The following ZFYVE26 variants were observed in gnomAD, a reference collection of about 807,000 sequenced individuals.
ZFYVE26 encodes zinc finger FYVE domain-containing protein 26.
A neutral mutation model predicts 276.5 loss-of-function variants in ZFYVE26; 181 were observed. The observed-to-expected ratio is 0.65, with a 90% CI of 0.58 to 0.74. The LOEUF is 0.74. Ranked by LOEUF, ZFYVE26 falls within the 30% of genes least tolerant of loss-of-function variation. ZFYVE26 has a pLI of 0.00. For missense variants in ZFYVE26, 2,821 were observed against 3,097.9 expected, an observed-to-expected ratio of 0.91 and a Z score of 2.12; for synonymous variants, 1,129 against 1,203.1, an observed-to-expected ratio of 0.94 and a Z score of 1.27.
intron 41 of ZFYVE26, 79 bp downstream of exon 41, chr14:67,750,973 A>C (rs1338853365): frequency 1.3e-6 from 2 of 1,544,330 alleles, no homozygotes; most frequent in African/African-American, 1.4e-5. Context: ...TATTGTGGGG[A>C]GCAAGGGATA....
At chr14:67,811,982 A>T (rs1953916503) in intron 3 of ZFYVE26, among the ~76,000 whole-genome samples, 1 of 149,568 alleles carries the variant, frequency 6.7e-6, no homozygotes, top group African/African-American at 2.4e-5. Context: ...TATATATTTT[A>T]TATATATTCT....
chr14:67,791,977 T>C (rs1265085130), intron 14 of ZFYVE26, among the ~76,000 whole-genome samples: 3 of 151,350 alleles, frequency 2.0e-5, no homozygotes, highest in Non-Finnish European at 4.4e-5. Flanking sequence ...GGAGAATCGC[T>C]TGATCCCAGG....
intron 37 of ZFYVE26, among the ~76,000 whole-genome samples, 160 bp from the exon 38 acceptor site, chr14:67,754,372 C>CA (rs537741230): frequency 3.9e-5 from 6 of 152,144 alleles, no homozygotes; most frequent in South Asian, 4.1e-4. Context: ...ATGACAAGAC[C>CA]AAAAAAATGG....
At position 67,794,214 on chromosome 14, in the gene ZFYVE26, TG is replaced by T; in HGVS notation, c.2357del (p.Pro786HisfsTer10). 6.2e-7 allele frequency: 1 copy of T among 1,614,174 alleles called. No individual in the cohort carries two copies. The highest frequency in any genetic ancestry group is 8.5e-7 in the Non-Finnish European group (1 of 1,180,008). On this transcript the variant is annotated frameshift_variant, in exon 13 of 42. Coordinates refer to ENST00000347230, the MANE Select transcript of ZFYVE26 (RefSeq NM_015346.4). LOFTEE classifies it high-confidence loss of function. ...GCTCACTACTTGTACTTTCCAGGGA[TG>T]GGTTTGAACCTCTGTCTCGGCCATC... ...QADGRDRGSNPSLESTSSELS... is the reference protein window; with the variant it reads ...QADGRDRGSNXSLESTSSELS...
chr14:67,729,100 CCTT>C, intron 14 of ZFYVE26: 13 of 1,321,338 alleles, frequency 9.8e-6, no homozygotes, highest in Non-Finnish European at 1.3e-5. Context: ...CTGAGTCCCT[CCTT>C]CTCACTTGTG....
intron 15 of ZFYVE26, 33 bp from the exon 16 acceptor site, chr14:67,789,631 G>C (rs754865159): frequency 6.2e-6 from 10 of 1,613,476 alleles, no homozygotes; most frequent in African/African-American, 1.3e-5. Flanking sequence ...AAAAGCAAAG[G>C]GTTAAAAGGA....
chr14:67,785,295 G>A lies in ZFYVE26; in HGVS notation c.3305-18C>T. On this transcript the variant is annotated intron_variant, in intron 18 of 41. Transcript: ENST00000347230. ...CCTGGGCTCTGAGAGGAGGATGGCA[G>A]GAGAAAGGACACAGGCTTCAGTCTG... 6.3e-7 allele frequency: 1 copy of A among 1,575,842 alleles called. No individual in the cohort carries two copies. Among genetic ancestry groups the A allele is most frequent in the Non-Finnish European group, 8.6e-7 (1 of 1,160,756 alleles).
chr14:67,812,510 A>C (rs2040324207), intron 3 of ZFYVE26, among the ~76,000 whole-genome samples: 1 of 152,234 alleles, frequency 6.6e-6, no homozygotes, highest in African/African-American at 2.4e-5. Flanking sequence ...CTGGACTTGG[A>C]AAACTACCCC....
intron 2 of ZFYVE26, among the ~76,000 whole-genome samples, chr14:67,815,067 T>C (rs145677936): frequency 1.3e-5 from 2 of 152,202 alleles, no homozygotes. Context: ...GTTGTATAAA[T>C]ACAAAGAGGT....
chr14:67,759,360 C>T (rs949351669), intron 35 of ZFYVE26, among the ~76,000 whole-genome samples: 1 of 151,592 alleles, frequency 6.6e-6, no homozygotes, highest in Non-Finnish European at 1.5e-5. Flanking sequence ...GGCGCGGTGG[C>T]TCACGCCTAT....
intron 10 of ZFYVE26, among the ~76,000 whole-genome samples, chr14:67,799,860 A>T (rs1253039636): frequency 6.6e-6 from 1 of 152,062 alleles, no homozygotes; most frequent in Non-Finnish European, 1.5e-5. Flanking sequence ...GGAGGGAGGC[A>T]GTGTCCTTCC....
At chr14:67,802,005 A>T in intron 10 of ZFYVE26, 74 bp downstream of exon 10, 1 of 1,528,626 alleles carries the variant, frequency 6.5e-7, no homozygotes. Flanking sequence ...TTGGTGGAAG[A>T]GGGTAAACAC....
intron 27 of ZFYVE26, 80 bp downstream of exon 27, chr14:67,774,936 A>AGC (rs2039301658): frequency 1.1e-6 from 1 of 922,582 alleles, no homozygotes; most frequent in African/African-American, 1.9e-5. Flanking sequence ...AGAAGCAAAA[A>AGC]AAAAAAAAAA....
intron 27 of ZFYVE26, among the ~76,000 whole-genome samples, chr14:67,772,825 G>A (rs1048262681): frequency 2.6e-5 from 4 of 152,172 alleles, no homozygotes; most frequent in Admixed American, 1.3e-4. Context: ...GCCAGACATG[G>A]TGGTGTGTGC....
intron 13 of ZFYVE26, among the ~76,000 whole-genome samples, chr14:67,739,872 A>G (rs2038395047): frequency 6.6e-6 from 1 of 152,214 alleles, no homozygotes; most frequent in Admixed American, 6.5e-5. Context: ...AGGAGGTACA[A>G]CTTGCTCTGA....
rs187839785 is a variant in ZFYVE26, at chr14:67,733,421, G to A, written n.2680-3602C>T. Among the ~76,000 whole-genome samples, 7 of 152,226 alleles carry A rather than the reference G, an allele frequency of 4.6e-5. No homozygotes were observed. The East Asian group carries it at 9.6e-4, about 21-fold the overall frequency. Reference sequence around the variant, plus strand: ...GATACCTGTGACTTTGTCACCAATAGAATTATAAATATTTTTATATCACAT... The same window carrying A: ...GATACCTGTGACTTTGTCACCAATAAAATTATAAATATTTTTATATCACAT... On this transcript the variant is annotated intron_variant and non_coding_transcript_variant, in intron 13 of 14. Coordinates refer to the ZFYVE26 transcript ENST00000394455.
At chr14:67,755,871 C>A (rs1056965017) in intron 36 of ZFYVE26, 77 bp downstream of exon 36, 2 of 1,560,568 alleles carry the variant, frequency 1.3e-6, no homozygotes, top group African/African-American at 2.7e-5. Context: ...CAGTCTCATT[C>A]CCTCATCGTG....
At chr14:67,779,342 C>T (rs541081169) in intron 23 of ZFYVE26, among the ~76,000 whole-genome samples, 1 of 152,266 alleles carries the variant, frequency 6.6e-6, no homozygotes, top group East Asian at 1.9e-4. Flanking sequence ...GTGGGCAGAT[C>T]ACTTGAGGTC....
exon 14 of ZFYVE26, chr14:67,729,450 C>A: frequency 1.4e-6 from 2 of 1,475,618 alleles, no homozygotes; most frequent in South Asian, 2.3e-5. Context: ...CTGGGCTGTT[C>A]ATCCTGAGAA....
Sources: allele counts gnomAD v4.1 joint callset (sites outside exome capture counted in the v4.1 genomes callset), GRCh38; gene constraint gnomAD v4.1.1; transcripts MANE v1.5; gene names NCBI Gene and HGNC (gene_info 2026-07-23, HGNC 2026-07-21).